The following LDB1 variants were observed in gnomAD, a reference collection of about 807,000 sequenced individuals.
LDB1 encodes the protein LIM domain binding 1.
A neutral mutation model predicts 49.7 loss-of-function variants in LDB1; 6 were observed. The observed-to-expected ratio is 0.12, with a 90% CI of 0.07 to 0.24. The LOEUF is 0.24. Among genes scored for constraint, LDB1 ranks in the 10% least tolerant of loss-of-function variants. The pLI is 1.00. For missense variants in LDB1, 341 were observed against 561.7 expected, an observed-to-expected ratio of 0.61 and a Z score of 3.97; for synonymous variants, 233 against 202.0, an observed-to-expected ratio of 1.15 and a Z score of -1.30.
Position 102,109,922 on chromosome 10 carries a change from T to C in LDB1, c.647A>G (p.His216Arg), listed in dbSNP as rs2068225322. The C allele has an allele frequency of 6.2e-7, 1 of 1,608,690 alleles. No individual in the cohort carries two copies. The highest frequency in any genetic ancestry group is 1.1e-5 in the South Asian group (1 of 91,038). ...TCCTGGGTCCTGCCCACGACTCACA[T>C]GCATGGCAAGGATGCTGCGGGGGAT... ...ELIPRSILAM[H>R]AQDPQMLDQL... Residue 216 changes from histidine to arginine, a missense_variant and splice_region_variant, in exon 7 of 11, where the codon CAT (histidine) becomes CGT (arginine). Transcript: ENST00000673968. The surrounding 1 kb of genome is among the most constrained non-coding windows in gnomAD (Gnocchi z 5.8).
At chr10:102,113,918 C>T (rs943553197) in intron 1 of LDB1, among the ~76,000 whole-genome samples, 6 of 152,234 alleles carry the variant, frequency 3.9e-5, no homozygotes, top group African/African-American at 1.4e-4. Flanking sequence ...CAGCATCTCT[C>T]CAGAGCCACA....
chr10:102,111,947 T>C (rs1035281147), intron 1 of LDB1, among the ~76,000 whole-genome samples: 1 of 152,086 alleles, frequency 6.6e-6, no homozygotes, highest in African/African-American at 2.4e-5. Context: ...CTCCCTGGCC[T>C]GATTATAAGA....
chr10:102,110,257 T>A (rs1301068477), intron 6 of LDB1: 1 of 630,242 alleles, frequency 1.6e-6, no homozygotes, highest in African/African-American at 1.8e-5. Context: ...AACAGATCCT[T>A]GTCCTCTCCC....
In LDB1 at chr10:102,108,186, G is replaced by A; in HGVS notation, c.1143C>T (p.Ser381=). The A allele has an allele frequency of 1.2e-6, 2 of 1,614,076 alleles. No individual in the cohort carries two copies. The highest frequency in any genetic ancestry group is 1.7e-6 in the Non-Finnish European group (2 of 1,179,990). The change falls in exon 11 of 11, where the codon TCC becomes TCT. Residue 381 remains serine, a synonymous_variant. Transcript: ENST00000673968. Reference sequence around the variant, plus strand: ...AGGGGCTGTTGGCGCCCAGTGCAGGGGAGTTGTTAAAGCTGTCCTCGTCGT... The same window carrying A: ...AGGGGCTGTTGGCGCCCAGTGCAGGAGAGTTGTTAAAGCTGTCCTCGTCGT... ...GIDDEDSFNN[S]PALGANSPWN... is the part of the protein sequence containing the mutation.
downstream of LDB1, among the ~76,000 whole-genome samples, chr10:102,103,342 T>C (rs1462804333): frequency 2.6e-5 from 4 of 151,860 alleles, no homozygotes; most frequent in East Asian, 7.8e-4. Flanking sequence ...GTTGTTGTTG[T>C]TGTTGTTGTT....
intron 1 of LDB1, among the ~76,000 whole-genome samples, chr10:102,115,530 A>G (rs1219285576): frequency 6.6e-6 from 1 of 152,140 alleles, no homozygotes; most frequent in East Asian, 1.9e-4. Context: ...GGGACACTCC[A>G]GGCTTCCCTG....
chr10:102,111,579 A>C (rs775384436), intron 1 of LDB1, 43 bp from the exon 2 acceptor site: 15 of 1,224,860 alleles, frequency 1.2e-5, no homozygotes, highest in African/African-American at 4.6e-5. Flanking sequence ...GCGGTGGCTC[A>C]CATCTGTAAT....
At chr10:102,116,450 G>A (rs576875840) in intron 1 of LDB1, among the ~76,000 whole-genome samples, 4 of 152,276 alleles carry the variant, frequency 2.6e-5, no homozygotes, top group East Asian at 1.9e-4. Flanking sequence ...CAAAGTGCTA[G>A]TATTACAGAT....
chr10:102,114,812 G>GGGGGGGCCCCCCCCCCCCCCC, intron 1 of LDB1: 23 of 929,792 alleles, frequency 2.5e-5, no homozygotes, highest in Non-Finnish European at 3.0e-5. Flanking sequence ...CCTCCGAGCA[G>GGGGGGGCCCCCCCCCCCCCCC]CCCGCCCGCC....
At chr10:102,120,426 T>A (rs1365933265), upstream of LDB1, 3 of 980,268 alleles carry the variant, frequency 3.1e-6, no homozygotes, top group African/African-American at 5.3e-5. Flanking sequence ...CCCGCCGCCG[T>A]CGCCGAGCGC....
intron 1 of LDB1, chr10:102,114,893 CACTCGCACACTCAA>C: frequency 1.0e-6 from 1 of 974,230 alleles, no homozygotes; most frequent in Non-Finnish European, 1.2e-6. Context: ...CACTCACTCA[CACTCGCACACTCAA>C]ACACACACGC....
intron 1 of LDB1, among the ~76,000 whole-genome samples, chr10:102,112,601 C>A (rs1483250364): frequency 1.3e-5 from 2 of 151,010 alleles, no homozygotes; most frequent in African/African-American, 4.9e-5. Context: ...CCAGCCCCCA[C>A]CCCCGCCCCC....
Position 102,120,165 on chromosome 10 carries a change from G to A in LDB1, c.-55C>T. The A allele has an allele frequency of 3.2e-6, 4 of 1,232,346 alleles. No homozygotes were observed. The highest frequency in any genetic ancestry group is 3.1e-5 in the South Asian group (1 of 32,444). The allele number at this position is 1,232,346 out of a possible 1,614,324, so 76.3% of individuals were successfully genotyped here. A position where few individuals can be genotyped will look rare whatever the true frequency, so the allele number is the denominator to read the frequency against. ...CCGAGTCACGGTGCCCGCCCCTCGC[G>A]GGGACAGGCCGGGCATGAGCCGCCG... On this transcript the variant is annotated 5_prime_UTR_variant, in exon 1 of 11. Coordinates refer to ENST00000673968, the MANE Select transcript of LDB1 (RefSeq NM_001113407.3).
Position 102,120,239 on chromosome 10 carries a change from C to T in LDB1, c.-129G>A. ...GCTCGCCGCCGGCCCGGCCCGGCCT[C>T]GGCCCGGTGCGGGCGGCCCCTGGCT... On this transcript the variant is annotated 5_prime_UTR_variant, in exon 1 of 11. Transcript: ENST00000673968. 1.0e-5 allele frequency: 10 copies of T among 982,752 alleles called. No individual in the cohort carries two copies. Among genetic ancestry groups the T allele is most frequent in the South Asian group, 4.5e-5 (1 of 21,992 alleles). The allele number at this position is 982,752 out of a possible 1,614,324, so 60.9% of individuals were successfully genotyped here. A position where few individuals can be genotyped will look rare whatever the true frequency, so the allele number is the denominator to read the frequency against.
chr10:102,115,741 G>A (rs927971435), intron 1 of LDB1, among the ~76,000 whole-genome samples: 2 of 152,070 alleles, frequency 1.3e-5, no homozygotes, highest in South Asian at 2.1e-4. Context: ...AAAAAAAAAC[G>A]TGTGGTTAGT....
Position 102,109,809 on chromosome 10 carries a change from T to G in LDB1, c.648+112A>C. ...TCTCTTATTAAACCTGCTGTTCAGA[T>G]GAAGAAACCCTAACCCTCTGTCTAA... On this transcript the variant is annotated intron_variant, in intron 7 of 10. Coordinates refer to ENST00000673968, the MANE Select transcript of LDB1 (RefSeq NM_001113407.3). The surrounding 1 kb of genome is among the most constrained non-coding windows in gnomAD (Gnocchi z 5.8). 3.8e-6 allele frequency: 6 copies of G among 1,560,842 alleles called. No individual in the cohort carries two copies. Among genetic ancestry groups the G allele is most frequent in the Non-Finnish European group, 5.3e-6 (6 of 1,140,050 alleles).
chr10:102,119,242 C>T (rs1345709424), intron 1 of LDB1, among the ~76,000 whole-genome samples: 12 of 152,098 alleles, frequency 7.9e-5, no homozygotes, highest in Admixed American at 7.9e-4. Context: ...CTGTAGACTA[C>T]CTCTCCAGTC....
chr10:102,121,185 G>A (rs2068415502), upstream of LDB1, among the ~76,000 whole-genome samples: 1 of 152,004 alleles, frequency 6.6e-6, no homozygotes, highest in Non-Finnish European at 1.5e-5. Context: ...GATTACGGAG[G>A]GGCGATAGGA....
chr10:102,120,360 G>A lies in LDB1; in HGVS notation c.-250C>T, dbSNP rs1272953576. 1 of 984,252 alleles carries A rather than the reference G, an allele frequency of 1.0e-6. No homozygotes were observed. The highest frequency in any genetic ancestry group is 1.2e-6 in the Non-Finnish European group (1 of 829,466). The allele number at this position is 984,252 out of a possible 1,614,324, so 61.0% of individuals were successfully genotyped here. ...TGTGTGCGCGCGGGTGTGAGTCCGC[G>A]GAGTGTGTGTCCGTGTGTGCGTGTG... is the stretch of plus-strand genomic sequence containing the variant. On this transcript the variant is annotated 5_prime_UTR_variant, in exon 1 of 11. Transcript: ENST00000673968.
Sources: gnomAD v4.1 joint callset for allele counts (sites outside exome capture counted in the v4.1 genomes callset) on GRCh38, gnomAD v4.1.1 for gene constraint, Gnocchi (gnomAD v3.1) non-coding constraint, MANE v1.5 for transcripts, NCBI Gene and HGNC (gene_info 2026-07-23, HGNC 2026-07-21) for gene names.